Variants in MICAL3 observed in about 807,000 individuals in gnomAD.
The protein encoded by MICAL3 is [F-actin]-monooxygenase MICAL3.
Under a neutral mutation model 207.4 loss-of-function variants are expected in MICAL3, and 62 were observed. The ratio of observed to expected loss-of-function variants is 0.30; its 90% CI spans 0.24 to 0.37. The LOEUF is 0.37. MICAL3 is among the 10% of genes least tolerant of loss of function. The pLI is 1.00. For synonymous variants in MICAL3, 1,077 were observed against 1,069.3 expected, an observed-to-expected ratio of 1.01 and a Z score of -0.14; for missense variants, 2,368 against 2,635.6, an observed-to-expected ratio of 0.90 and a Z score of 2.22.
Position 17,796,254 on chromosome 22 carries a change from C to T in MICAL3, c.5651-4953G>A, listed in dbSNP as rs1448688884. Among the ~76,000 whole-genome samples, 2 of 152,228 alleles carry T rather than the reference C, an allele frequency of 1.3e-5. No individual in the cohort carries two copies. Among genetic ancestry groups the T allele is most frequent in the Non-Finnish European group, 2.9e-5 (2 of 68,038 alleles). ...CCTCTGAAGCAGCACTTCCTTTGGA[C>T]GTGTGACCCAGGGGTGGCTCTTTAG... On this transcript the variant is annotated intron_variant, in intron 29 of 31. Transcript: ENST00000441493. This position sits in a 1 kb window ranked among gnomAD's most constrained non-coding sequence, Gnocchi z 4.4.
intron 1 of MICAL3, chr22:18,020,159 G>C (rs1924368462): frequency 6.6e-6 from 1 of 152,482 alleles, no homozygotes; most frequent in Admixed American, 6.6e-5. Context: ...AGATAAAATT[G>C]ACAGGGCAGC....
chr22:17,920,786 C>T (rs1167464469), intron 1 of MICAL3, among the ~76,000 whole-genome samples: 1 of 152,158 alleles, frequency 6.6e-6, no homozygotes, highest in Non-Finnish European at 1.5e-5. Flanking sequence ...TCATCTCAGA[C>T]CCTTCTCTGT....
At chr22:17,880,315 G>A (rs1929303344) in intron 16 of MICAL3, among the ~76,000 whole-genome samples, 1 of 152,224 alleles carries the variant, frequency 6.6e-6, no homozygotes, top group African/African-American at 2.4e-5. Flanking sequence ...GCCTCACAGG[G>A]TTACTGTGAG....
In MICAL3 at chr22:17,822,982, C is replaced by A; in HGVS notation, c.3272G>T (p.Gly1091Val). Residue 1091 changes from glycine to valine, a missense_variant, in exon 23 of 32, where the codon GGG (glycine) becomes GTG (valine). Around this residue, in one of 4 missense-constraint regions of MICAL3, gnomAD observed 1,770 missense variants for 1,863.2 expected, o/e 0.95. Transcript: ENST00000441493. ...AEIEGEAAED[G>V]DPGDTGAELD... The stretch of plus-strand genomic sequence containing the variant: ...CTCAGCACCAGTGTCCCCTGGGTCC[C>A]CATCCTCTGCTGCCTCCCCTTCTAT... The A allele has an allele frequency of 1.2e-6, 2 of 1,613,780 alleles. No homozygotes were observed. Among genetic ancestry groups the A allele is most frequent in the Non-Finnish European group, 1.7e-6 (2 of 1,179,744 alleles).
chr22:18,022,860 C>T (rs1463109130), intron 1 of MICAL3, among the ~76,000 whole-genome samples: 2 of 152,200 alleles, frequency 1.3e-5, no homozygotes, highest in Non-Finnish European at 2.9e-5. Flanking sequence ...AGCTTTCATG[C>T]TACAGACTTG....
At chr22:17,949,380 G>T (rs1934225889) in intron 1 of MICAL3, among the ~76,000 whole-genome samples, 1 of 152,080 alleles carries the variant, frequency 6.6e-6, no homozygotes, top group African/African-American at 2.4e-5. Flanking sequence ...GCAACATTAT[G>T]AGTATAATGT....
chr22:17,855,559 A>G (rs1182829466), intron 19 of MICAL3, among the ~76,000 whole-genome samples: 1 of 152,234 alleles, frequency 6.6e-6, no homozygotes, highest in Non-Finnish European at 1.5e-5. Context: ...CTTACTCTTC[A>G]TAACAAAACC....
chr22:17,876,652 G>T (rs1480707801), intron 16 of MICAL3: 1 of 152,478 alleles, frequency 6.6e-6, no homozygotes, highest in Non-Finnish European at 1.5e-5. Context: ...GGGGGACTGG[G>T]TAGGACTGGG....
chr22:17,795,236 A>C (rs2061862888), intron 29 of MICAL3, among the ~76,000 whole-genome samples: 1 of 152,246 alleles, frequency 6.6e-6, no homozygotes, highest in Non-Finnish European at 1.5e-5. Flanking sequence ...TTCTTTCCTC[A>C]ACAATACACT....
chr22:17,914,737 G>C (rs764523307), intron 1 of MICAL3, among the ~76,000 whole-genome samples: 103 of 152,192 alleles, frequency 6.8e-4, no homozygotes, highest in Non-Finnish European at 1.2e-3. Flanking sequence ...ATGGCAGTGA[G>C]AGCAGTCTGG....
chr22:17,955,342 G>C (rs1934561526), intron 1 of MICAL3, among the ~76,000 whole-genome samples: 1 of 152,198 alleles, frequency 6.6e-6, no homozygotes, highest in Non-Finnish European at 1.5e-5. Context: ...CAACAGGTGT[G>C]TGTCTGCCCT....
intron 1 of MICAL3, among the ~76,000 whole-genome samples, chr22:17,924,719 C>A (rs1296465455): frequency 6.6e-6 from 1 of 152,166 alleles, no homozygotes; most frequent in Admixed American, 6.5e-5. Flanking sequence ...GTTAAAGGAC[C>A]TTAATTAAGC....
intron 16 of MICAL3, 125 bp from the exon 17 acceptor site, chr22:17,872,148 T>A: frequency 1.3e-6 from 1 of 764,766 alleles, no homozygotes; most frequent in South Asian, 1.8e-5. Flanking sequence ...GAGACAGACT[T>A]CTAACTGGCT....
At position 17,791,257 on chromosome 22, in the gene MICAL3, T is replaced by C. The variant is rs1233973166; in HGVS notation, c.5695A>G (p.Lys1899Glu). 5.0e-6 allele frequency: 8 copies of C among 1,613,932 alleles called. No individual in the cohort carries two copies. The highest frequency in any genetic ancestry group is 2.2e-5 in the East Asian group (1 of 44,876). The change falls in exon 30 of 32, where the codon AAG (lysine) becomes GAG (glutamate). Residue 1899 changes from lysine (K) to glutamate (E), a missense_variant. Physicochemically the swap from Lys to Glu is moderately conservative, Grantham distance 56. Coordinates refer to ENST00000441493, the MANE Select transcript of MICAL3 (RefSeq NM_015241.3). ...DDPKLMQEWF[K>E]LVQEKNAMVR... ...ATGGCGTTCTTCTCCTGCACTAGCT[T>C]GAACCACTCCTGCATCAGCTTGGGG...
rs778920777 is a variant in MICAL3, at chr22:17,817,988, T to A, written c.4673A>T (p.His1558Leu). 3.1e-6 allele frequency: 5 copies of A among 1,611,558 alleles called. No individual in the cohort carries two copies. The highest frequency in any genetic ancestry group is 4.2e-6 in the Non-Finnish European group (5 of 1,179,602). The stretch of plus-strand genomic sequence containing the variant: ...CCCGTTCTCCTTGGCCAGGGGCGGG[T>A]GGCGAGGCTTCTCGGGGCGCGGCCA... Reference protein sequence around the residue: ...SCWPRPEKPRHPPLAKENGRL... With the variant: ...SCWPRPEKPRLPPLAKENGRL... Residue 1558 changes from histidine (H) to leucine (L), a missense_variant, in exon 26 of 32, where the codon CAC (histidine) becomes CTC (leucine). Transcript: ENST00000441493.
rs532199424 is a variant in MICAL3, at chr22:17,978,507, G to T, written c.-75+45774C>A. On this transcript the variant is annotated intron_variant, in intron 1 of 31. Coordinates refer to ENST00000441493, the MANE Select transcript of MICAL3 (RefSeq NM_015241.3). ...AAACTCTGCATATAATAAAACCATT[G>T]AACTGTACACTTTTTTTTTTTTTTG... 2.4e-3 allele frequency among the ~76,000 whole-genome samples: 358 copies of T among 151,362 alleles called. 3 individuals carry two copies. Among genetic ancestry groups the T allele is most frequent in the African/African-American group, 8.4e-3 (343 of 41,050 alleles).
At chr22:18,011,217 TAGGCCCCTTGGGCCAGATGTTCCC>T (rs1167875079) in intron 1 of MICAL3, among the ~76,000 whole-genome samples, 2 of 152,232 alleles carry the variant, frequency 1.3e-5, no homozygotes, top group African/African-American at 2.4e-5. Flanking sequence ...TAAAATCATC[TAGGCCCCTTGGGCCAGATGTTCCC>T]AGCCTTATCA....
chr22:17,844,106 A>G lies in MICAL3; in HGVS notation c.2606-2089T>C, dbSNP rs527732748. 3.2e-4 allele frequency among the ~76,000 whole-genome samples: 48 copies of G among 152,204 alleles called. 1 individual carries two copies. The highest frequency in any genetic ancestry group is 1.1e-3 in the African/African-American group (47 of 41,528). ...CGTGATCCGCCCGCCTCGGCCTCCC[A>G]AAGTGCTGGGATTACAAGCGGGAGC... On this transcript the variant is annotated intron_variant, in intron 19 of 31. Transcript: ENST00000441493.
intron 16 of MICAL3, among the ~76,000 whole-genome samples, chr22:17,881,517 G>C (rs1456782454): frequency 6.6e-6 from 1 of 152,052 alleles, no homozygotes; most frequent in Non-Finnish European, 1.5e-5. Flanking sequence ...GTGATCTGCG[G>C]GACTGGGGAG....
Sources: allele counts gnomAD v4.1 joint callset (sites outside exome capture counted in the v4.1 genomes callset), GRCh38; gene constraint gnomAD v4.1.1; regional missense constraint gnomAD v4.1.1; non-coding constraint Gnocchi (gnomAD v3.1); transcripts MANE v1.5; gene names NCBI Gene and HGNC (gene_info 2026-07-23, HGNC 2026-07-21).